SERGEF: variants seen among roughly 807,000 people sequenced by gnomAD.
SERGEF encodes secretion regulating guanine nucleotide exchange factor.
In SERGEF, 51 loss-of-function variants were observed where a neutral mutation model predicts 50.0. The observed-to-expected ratio is 1.02, with a 90% CI of 0.81 to 1.29. The LOEUF is 1.29. SERGEF is among the 50% of genes most tolerant of loss of function. The pLI is 0.00. For synonymous variants in SERGEF, 205 were observed against 212.4 expected (o/e 0.97, Z 0.30); for missense variants, 521 against 557.0 (o/e 0.94, Z 0.65).
At chr11:17,955,723 A>C (rs1382542446) in intron 9 of SERGEF, among the ~76,000 whole-genome samples, 1 of 152,198 alleles carries the variant, frequency 6.6e-6, no homozygotes, top group African/African-American at 2.4e-5. Context: ...GCAGCATCAT[A>C]CCAAGTCCCA....
chr11:17,878,166 T>C (rs1851272386), intron 10 of SERGEF, 42 bp downstream of exon 10: 1 of 1,444,050 alleles, frequency 6.9e-7, no homozygotes, highest in African/African-American at 1.4e-5. Context: ...TTCTGCCACA[T>C]GATTTTCAGA....
At chr11:17,967,533 A>C (rs1211194287) in intron 8 of SERGEF, among the ~76,000 whole-genome samples, 3 of 152,208 alleles carry the variant, frequency 2.0e-5, no homozygotes, top group Non-Finnish European at 2.9e-5. Context: ...ATTAGCTACC[A>C]AATCGGGGGC....
chr11:17,874,206 T>C (rs1306118321), intron 10 of SERGEF: 10 of 152,202 alleles, frequency 6.6e-5, no homozygotes, highest in Admixed American at 6.5e-4. Context: ...GTACTGAGCA[T>C]GTACTTGACA....
chr11:17,991,518 G>T lies in SERGEF; in HGVS notation c.685+1413C>A, dbSNP rs1853711010. Among the ~76,000 whole-genome samples the T allele has an allele frequency of 6.6e-6, 1 of 152,078 alleles. No homozygotes were observed. The highest frequency in any genetic ancestry group is 1.5e-5 in the Non-Finnish European group (1 of 68,022). ...CGAACACATCACTTCTCACCCTAAGGTCTCTAGTCCTTCTTCTGTAAAAGG... is the reference window on the plus strand; with the variant it reads ...CGAACACATCACTTCTCACCCTAAGTTCTCTAGTCCTTCTTCTGTAAAAGG... On this transcript the variant is annotated intron_variant, in intron 7 of 10. Coordinates refer to ENST00000265965, the MANE Select transcript of SERGEF (RefSeq NM_012139.4). The surrounding 1 kb of genome is among the most constrained non-coding windows in gnomAD (Gnocchi z 4.9).
At chr11:17,945,710 G>A (rs1192339411) in intron 9 of SERGEF, among the ~76,000 whole-genome samples, 2 of 152,166 alleles carry the variant, frequency 1.3e-5, no homozygotes, top group African/African-American at 4.8e-5. Flanking sequence ...ACTTTGGGAG[G>A]CTAAGGCAGG....
At chr11:17,882,419 AAAAAAAAAAAAAAAAAAG>A (rs1851351273) in intron 9 of SERGEF, among the ~76,000 whole-genome samples, 1 of 90,738 alleles carries the variant, frequency 1.1e-5, no homozygotes, top group Non-Finnish European at 2.2e-5. Flanking sequence ...AGTCAGTCTC[AAAAAAAAAAAAAAAAAAG>A]AAAAAAAAAG....
At chr11:17,935,019 A>AC (rs1289853930) in intron 9 of SERGEF, among the ~76,000 whole-genome samples, 1 of 152,154 alleles carries the variant, frequency 6.6e-6, no homozygotes, top group Non-Finnish European at 1.5e-5. Flanking sequence ...CTCAGGAGCC[A>AC]CCACAAAGGA....
At chr11:17,861,402 G>C (rs1850924035) in intron 10 of SERGEF, among the ~76,000 whole-genome samples, 1 of 152,208 alleles carries the variant, frequency 6.6e-6, no homozygotes, top group African/African-American at 2.4e-5. Context: ...TTAAGCAGCA[G>C]AACTGGAAAT....
chr11:17,902,404 C>T (rs554105940), intron 9 of SERGEF, among the ~76,000 whole-genome samples: 1 of 152,232 alleles, frequency 6.6e-6, no homozygotes, highest in Non-Finnish European at 1.5e-5. Context: ...CTGGTGGAAG[C>T]CACAAGGGAG....
intron 10 of SERGEF, chr11:17,853,532 T>C (rs1850752960): frequency 6.6e-6 from 1 of 152,238 alleles, no homozygotes; most frequent in South Asian, 2.1e-4. Context: ...CGTGGTGCTA[T>C]GTGCTTTCAG....
rs1853063855 is a variant in SERGEF at position 17,963,728 on chromosome 11, CATTA to C, written c.845-4096_845-4093del. 2.0e-5 allele frequency among the ~76,000 whole-genome samples: 3 copies of C among 152,254 alleles called. No homozygotes were observed. The South Asian group carries it at 6.2e-4, about 32-fold the overall frequency. On this transcript the variant is annotated intron_variant, in intron 8 of 10. Transcript: ENST00000265965. ...TTTTAACACATCACCGATATATGTA[CATTA>C]ATTTATTTATTAAAGTATGTACATT...
At chr11:17,833,641 C>T (rs550296594) in intron 10 of SERGEF, among the ~76,000 whole-genome samples, 1 of 152,336 alleles carries the variant, frequency 6.6e-6, no homozygotes, top group South Asian at 2.1e-4. Flanking sequence ...GGAGGCGGTA[C>T]CCTGCAAATC....
At chr11:17,837,652 C>T (rs1850425215) in intron 10 of SERGEF, among the ~76,000 whole-genome samples, 2 of 150,628 alleles carry the variant, frequency 1.3e-5, no homozygotes, top group South Asian at 4.3e-4. Flanking sequence ...GCCAAGTAAA[C>T]CTCTTTCTTT....
chr11:18,012,835 A>C (rs1040335716), intron 1 of SERGEF, 116 bp downstream of exon 1: 32 of 1,352,398 alleles, frequency 2.4e-5, no homozygotes, highest in Non-Finnish European at 3.1e-5. Flanking sequence ...CCTTCAACCC[A>C]GAGCCCGGCT....
At chr11:17,878,335 C>T in intron 9 of SERGEF, 91 bp from the exon 10 acceptor site, 1 of 987,672 alleles carries the variant, frequency 1.0e-6, no homozygotes, top group Non-Finnish European at 1.5e-6. Flanking sequence ...CACTAACATC[C>T]ATTTTTGGCA....
chr11:17,960,243 G>GA (rs796954299), intron 8 of SERGEF, among the ~76,000 whole-genome samples: 46 of 148,706 alleles, frequency 3.1e-4, no homozygotes, highest in South Asian at 2.3e-3. Flanking sequence ...AGTGAGAGAA[G>GA]AAAAAAAAAA....
chr11:17,994,261 T>C (rs112354160), intron 6 of SERGEF, among the ~76,000 whole-genome samples: 154 of 152,060 alleles, frequency 1.0e-3, no homozygotes, highest in African/African-American at 3.6e-3. Context: ...GATGACGAGG[T>C]CAGGAGATCG....
chr11:17,948,950 A>T (rs1202050663), intron 9 of SERGEF, among the ~76,000 whole-genome samples: 5 of 152,320 alleles, frequency 3.3e-5, no homozygotes, highest in South Asian at 4.1e-4. Context: ...TAATCTTCAG[A>T]TGCAGGAGGT....
At chr11:17,791,240 G>A (rs1849479194) in intron 10 of SERGEF, among the ~76,000 whole-genome samples, 1 of 152,164 alleles carries the variant, frequency 6.6e-6, no homozygotes, top group African/African-American at 2.4e-5. Flanking sequence ...TTATGCATGA[G>A]TCTTTGTCTG....
Sources: gnomAD v4.1 joint callset for allele counts (sites outside exome capture counted in the v4.1 genomes callset) on GRCh38, gnomAD v4.1.1 for gene constraint, Gnocchi (gnomAD v3.1) non-coding constraint, MANE v1.5 for transcripts, NCBI Gene and HGNC (gene_info 2026-07-23, HGNC 2026-07-21) for gene names.